Variants in PGBD5 observed in about 807,000 individuals in gnomAD.
The protein encoded by PGBD5 is piggyBac transposable element derived 5.
In PGBD5, 14 loss-of-function variants were observed where a neutral mutation model predicts 47.9. The ratio of observed to expected loss-of-function variants is 0.29; its 90% CI spans 0.19 to 0.46. The LOEUF is 0.46. Among genes scored for constraint, PGBD5 ranks in the 20% least tolerant of loss-of-function variants. The pLI, the probability that PGBD5 is intolerant of heterozygous loss-of-function variation, is 1.00. For missense variants in PGBD5, 635 were observed against 716.0 expected, an observed-to-expected ratio of 0.89 and a Z score of 1.29; for synonymous variants, 316 against 306.3, an observed-to-expected ratio of 1.03 and a Z score of -0.33.
chr1:230,424,742 C>T (rs968468378), intron 1 of PGBD5, among the ~76,000 whole-genome samples: 2 of 152,212 alleles, frequency 1.3e-5, no homozygotes, highest in Non-Finnish European at 2.9e-5. Context: ...ACAAGAAATA[C>T]CAGCATGAGA....
At chr1:230,368,792 C>T (rs200236603) in intron 1 of PGBD5, among the ~76,000 whole-genome samples, 14 of 138,370 alleles carry the variant, frequency 1.0e-4, no homozygotes, top group East Asian at 6.5e-4. Flanking sequence ...GCCGGGGAAA[C>T]GTGTGTGTAT....
At chr1:230,407,932 C>T (rs1161158995) in intron 1 of PGBD5, among the ~76,000 whole-genome samples, 12 of 152,116 alleles carry the variant, frequency 7.9e-5, no homozygotes, top group African/African-American at 2.4e-4. Flanking sequence ...GAAACTGCAT[C>T]ATCCTGTGGA....
In PGBD5 at chr1:230,316,596, C is replaced by G. The variant is rs1666954193; in HGVS notation, c.*6829G>C. Reference sequence around the variant, plus strand: ...AAAAAGTGAAAAATCCTCATCTGCCCAATTATTGTTTTTTTTTCCTACCAC... The same window carrying G: ...AAAAAGTGAAAAATCCTCATCTGCCGAATTATTGTTTTTTTTTCCTACCAC... On this transcript the variant is annotated 3_prime_UTR_variant, in exon 7 of 7. Coordinates refer to ENST00000391860, the MANE Select transcript of PGBD5 (RefSeq NM_001258311.2). The G allele has an allele frequency of 6.6e-6, 1 of 151,940 alleles. No homozygotes were observed. Among genetic ancestry groups the G allele is most frequent in the Admixed American group, 6.6e-5 (1 of 15,248 alleles). The allele number at this position is 151,940 out of a possible 1,614,324, so 9.4% of individuals were successfully genotyped here. A position where few individuals can be genotyped will look rare whatever the true frequency, so the allele number is the denominator to read the frequency against.
intron 1 of PGBD5, among the ~76,000 whole-genome samples, chr1:230,418,244 C>T (rs758707335): frequency 1.4e-4 from 21 of 152,102 alleles, no homozygotes; most frequent in Admixed American, 5.2e-4. Context: ...TGTACAAGAA[C>T]GTTTGTAGCA....
chr1:230,333,565 C>T (rs1024017696), intron 4 of PGBD5, among the ~76,000 whole-genome samples: 5 of 152,226 alleles, frequency 3.3e-5, no homozygotes, highest in African/African-American at 1.2e-4. Context: ...GTTACATCAT[C>T]CTAATGGTCT....
chr1:230,408,998 T>A (rs1009900993), intron 1 of PGBD5, among the ~76,000 whole-genome samples: 1 of 152,146 alleles, frequency 6.6e-6, no homozygotes, highest in Admixed American at 6.5e-5. Context: ...TATAAAGAAC[T>A]CTTACAACTC....
At chr1:230,358,111 C>T in intron 1 of PGBD5, among the ~76,000 whole-genome samples, 1 of 152,022 alleles carries the variant, frequency 6.6e-6, no homozygotes, top group Non-Finnish European at 1.5e-5. Flanking sequence ...ACAAAAGGCA[C>T]TCCAACACTC....
intron 1 of PGBD5, among the ~76,000 whole-genome samples, chr1:230,391,718 A>G (rs944634173): frequency 6.6e-6 from 1 of 152,218 alleles, no homozygotes; most frequent in African/African-American, 2.4e-5. Context: ...TGGTGCACTT[A>G]GGAGGATATG....
intron 3 of PGBD5, among the ~76,000 whole-genome samples, chr1:230,337,782 G>A (rs1167706481): frequency 6.6e-6 from 1 of 152,162 alleles, no homozygotes; most frequent in Non-Finnish European, 1.5e-5. Flanking sequence ...ACGGTGCAGA[G>A]GAGACAGGAC....
At chr1:230,378,379 T>G (rs960127087) in intron 1 of PGBD5, among the ~76,000 whole-genome samples, 6 of 152,248 alleles carry the variant, frequency 3.9e-5, no homozygotes. Flanking sequence ...CCGTCTTCCA[T>G]CCCCTAAGGT....
intron 1 of PGBD5, among the ~76,000 whole-genome samples, chr1:230,404,606 T>C (rs1488849500): frequency 3.0e-5 from 3 of 98,520 alleles, no homozygotes; most frequent in Admixed American, 1.2e-4. Context: ...AGCAAAGTCT[T>C]GTCTCAAAAA....
chr1:230,386,145 A>G (rs1016000197), intron 1 of PGBD5, among the ~76,000 whole-genome samples: 22 of 152,226 alleles, frequency 1.4e-4, no homozygotes, highest in Admixed American at 1.4e-3. Flanking sequence ...TGGGCAACAC[A>G]GCGAGACCCC....
chr1:230,394,915 ACTC>A (rs1466163620), intron 1 of PGBD5, among the ~76,000 whole-genome samples: 1 of 66,098 alleles, frequency 1.5e-5, no homozygotes, highest in East Asian at 4.8e-4. Flanking sequence ...CTCCTCTCTC[ACTC>A]CTACCCTCCT....
chr1:230,405,809 ATGT>A (rs1348480852), intron 1 of PGBD5, among the ~76,000 whole-genome samples: 3 of 152,230 alleles, frequency 2.0e-5, no homozygotes, highest in African/African-American at 7.2e-5. Context: ...GCCTATTTCA[ATGT>A]TGTTTCTGAC....
intron 1 of PGBD5, among the ~76,000 whole-genome samples, chr1:230,364,634 T>TG (rs112441929): frequency 0.34 from 52,130 of 152,182 alleles, 9,351 homozygotes; most frequent in Non-Finnish European, 0.39. Flanking sequence ...AAGTTAGCAA[T>TG]AAAAATAAAA....
chr1:230,332,281 G>A (rs1667232918), intron 5 of PGBD5, among the ~76,000 whole-genome samples: 1 of 152,212 alleles, frequency 6.6e-6, no homozygotes, highest in Non-Finnish European at 1.5e-5. Flanking sequence ...GGGCCCCTTT[G>A]TCCTTTCAGT....
chr1:230,394,851 C>T (rs111205951), intron 1 of PGBD5, among the ~76,000 whole-genome samples: 3,939 of 120,962 alleles, frequency 0.033, 468 homozygotes, highest in African/African-American at 0.14. Flanking sequence ...CTCTCACTCC[C>T]TCCCTCCTCT....
chr1:230,406,152 C>T (rs1255871519), intron 1 of PGBD5, among the ~76,000 whole-genome samples: 1 of 151,300 alleles, frequency 6.6e-6, no homozygotes, highest in East Asian at 1.9e-4. Context: ...ACTAAAAATA[C>T]AAAAAATTAG....
At chr1:230,377,718 T>G (rs1185712754) in intron 1 of PGBD5, 11 of 1,429,358 alleles carry the variant, frequency 7.7e-6, no homozygotes, top group African/African-American at 1.4e-5. Flanking sequence ...AGTATCCACC[T>G]CAAAGAGTCA....
Sources: gnomAD v4.1 joint callset for allele counts (sites outside exome capture counted in the v4.1 genomes callset) on GRCh38, gnomAD v4.1.1 for gene constraint, MANE v1.5 for transcripts, NCBI Gene and HGNC (gene_info 2026-07-23, HGNC 2026-07-21) for gene names.